The following SEC24A variants were observed in gnomAD, a reference collection of about 807,000 sequenced individuals.
SEC24A encodes the protein SEC24 homolog A, COPII component.
Under a neutral mutation model 129.4 loss-of-function variants are expected in SEC24A, and 93 were observed. The ratio of observed to expected loss-of-function variants is 0.72; its 90% CI spans 0.61 to 0.85. The LOEUF is 0.85. Among genes scored for constraint, SEC24A ranks in the 40% least tolerant of loss-of-function variants. The pLI is 0.00. For synonymous variants in SEC24A, 460 were observed against 467.3 expected (o/e 0.98, Z 0.20); for missense variants, 1,264 against 1,307.4 (o/e 0.97, Z 0.51).
intron 1 of SEC24A, 54 bp from the exon 2 acceptor site, chr5:134,661,065 T>A: frequency 1.7e-6 from 2 of 1,203,276 alleles, no homozygotes; most frequent in Non-Finnish European, 2.4e-6. Context: ...CTTTATTTCT[T>A]AAAGTATTGC....
At chr5:134,677,538 T>C (rs980377599) in intron 7 of SEC24A, among the ~76,000 whole-genome samples, 1 of 148,432 alleles carries the variant, frequency 6.7e-6, no homozygotes, top group African/African-American at 2.5e-5. Context: ...GATCCTTATC[T>C]TAAAAAAAAA....
intron 8 of SEC24A, among the ~76,000 whole-genome samples, chr5:134,680,750 T>C (rs1561814225): frequency 6.6e-6 from 1 of 151,908 alleles, no homozygotes; most frequent in Non-Finnish European, 1.5e-5. Flanking sequence ...GTTCAAGCAA[T>C]TCTCCTGCCT....
chr5:134,716,463 T>A (rs1167614418), intron 19 of SEC24A, among the ~76,000 whole-genome samples: 1 of 144,462 alleles, frequency 6.9e-6, no homozygotes, highest in Non-Finnish European at 1.5e-5. Context: ...AGTGAGACTT[T>A]GTCTAAAAAA....
At chr5:134,666,085 AGAT>A (rs1424584252) in intron 2 of SEC24A, among the ~76,000 whole-genome samples, 3 of 152,064 alleles carry the variant, frequency 2.0e-5, no homozygotes. Context: ...CCGGAATTCA[AGAT>A]CAGCCTGGGC....
chr5:134,682,484 T>G lies in SEC24A; in HGVS notation c.1491+2T>G. On this transcript the variant is annotated splice_donor_variant, in intron 9 of 22. Transcript: ENST00000398844. LOFTEE classifies it high-confidence loss of function. ...TTTATGGCTCCTTCAGAATACATGGTAAACTTTTATTTTTTGATACAGTAT... is the reference window on the plus strand; with the variant it reads ...TTTATGGCTCCTTCAGAATACATGGGAAACTTTTATTTTTTGATACAGTAT... 1 of 1,505,136 alleles carries G rather than the reference T, an allele frequency of 6.6e-7. No homozygotes were observed. Among genetic ancestry groups the G allele is most frequent in the Non-Finnish European group, 9.2e-7 (1 of 1,083,882 alleles). 93.2% of individuals were successfully genotyped at this position (1,505,136 alleles called of 1,614,324 possible).
At position 134,661,373 on chromosome 5, in the gene SEC24A, A is replaced by C. The variant is rs745680774; in HGVS notation, c.352A>C (p.Thr118Pro). 126 of 1,614,040 alleles carry C rather than the reference A, an allele frequency of 7.8e-5. No homozygotes were observed. Among genetic ancestry groups the C allele is most frequent in the Non-Finnish European group, 9.7e-5 (115 of 1,180,042 alleles). The change falls in exon 2 of 23, where the codon ACT becomes CCT. Residue 118 changes from threonine (T) to proline (P), a missense_variant. Thr to Pro is a conservative substitution (Grantham distance 38). Coordinates refer to ENST00000398844, the MANE Select transcript of SEC24A (RefSeq NM_021982.3). ...ATTACCTGCTTCTCAGAACCCAGCT[A>C]CTACACCAATGCCTTCTAGTAGCTT... ...MPLPASQNPA[T>P]TPMPSSSFLP...
At chr5:134,677,879 T>C (rs1751123138) in intron 7 of SEC24A, among the ~76,000 whole-genome samples, 1 of 151,646 alleles carries the variant, frequency 6.6e-6, no homozygotes, top group African/African-American at 2.4e-5. Flanking sequence ...AAAGATGAGA[T>C]GCTATGTCAC....
At chr5:134,709,013 CT>C in intron 18 of SEC24A, 125 bp downstream of exon 18, 1 of 873,382 alleles carries the variant, frequency 1.1e-6, no homozygotes, top group South Asian at 1.7e-5. Context: ...TGAGACCAGC[CT>C]GGGCAATATG....
intron 2 of SEC24A, among the ~76,000 whole-genome samples, chr5:134,664,640 C>A (rs998783801): frequency 2.0e-5 from 3 of 151,970 alleles, no homozygotes; most frequent in Non-Finnish European, 4.4e-5. Flanking sequence ...CCCCTTTGTT[C>A]CTTTGACTTG....
intron 21 of SEC24A, among the ~76,000 whole-genome samples, chr5:134,722,440 C>G (rs1240318168): frequency 1.3e-5 from 2 of 152,056 alleles, no homozygotes; most frequent in Non-Finnish European, 2.9e-5. Context: ...TGGCGCACAC[C>G]TGTAATCCCA....
At chr5:134,706,755 G>A (rs1458401514) in intron 17 of SEC24A, among the ~76,000 whole-genome samples, 1 of 152,038 alleles carries the variant, frequency 6.6e-6, no homozygotes, top group Non-Finnish European at 1.5e-5. Context: ...CAGTGGCACA[G>A]TCTCAGCTCA....
chr5:134,699,629 C>T (rs1191476267), intron 15 of SEC24A, among the ~76,000 whole-genome samples: 1 of 151,256 alleles, frequency 6.6e-6, no homozygotes, highest in African/African-American at 2.4e-5. Flanking sequence ...TGTACAGTGG[C>T]ATCAAGTATG....
intron 7 of SEC24A, among the ~76,000 whole-genome samples, chr5:134,678,827 G>C (rs573062263): frequency 2.0e-4 from 30 of 152,150 alleles, no homozygotes; most frequent in African/African-American, 6.7e-4. Flanking sequence ...CGTTCCACCC[G>C]CCTTGGCCTC....
rs1361321889 is a variant in SEC24A, at chr5:134,703,786, A to G, written c.2294A>G (p.Asn765Ser). ...CTTTCCATTCATACTTTCCATGGAA[A>G]CTTCTTTGTTAGGTCAACCGACTTA... ...KGLSIHTFHG[N>S]FFVRSTDLLS... The change falls in exon 16 of 23, where the codon AAC becomes AGC. Residue 765 changes from asparagine to serine, a missense_variant. By Grantham distance (46) the Asn-to-Ser change is conservative (BLOSUM62 1). Transcript: ENST00000398844. 1.2e-6 allele frequency: 2 copies of G among 1,612,976 alleles called. No homozygotes were observed. The highest frequency in any genetic ancestry group is 1.3e-5 in the African/African-American group (1 of 74,870).
At chr5:134,708,617 G>A in intron 17 of SEC24A, 96 bp from the exon 18 acceptor site, 1 of 1,070,300 alleles carries the variant, frequency 9.3e-7, no homozygotes, top group East Asian at 2.5e-5. Flanking sequence ...AGAGATACTT[G>A]GTATAGTTTT....
At chr5:134,673,871 A>G (rs1319972705) in intron 4 of SEC24A, among the ~76,000 whole-genome samples, 3 of 152,142 alleles carry the variant, frequency 2.0e-5, no homozygotes, top group Non-Finnish European at 4.4e-5. Context: ...ACGGTGGCTC[A>G]TGGCCTGTAA....
At chr5:134,680,592 C>T (rs899658396) in intron 8 of SEC24A, among the ~76,000 whole-genome samples, 1 of 152,070 alleles carries the variant, frequency 6.6e-6, no homozygotes, top group Non-Finnish European at 1.5e-5. Context: ...CTCAGGCTCC[C>T]AAAGTGCTGG....
At chr5:134,698,927 A>G (rs1425079281) in intron 15 of SEC24A, among the ~76,000 whole-genome samples, 1 of 151,186 alleles carries the variant, frequency 6.6e-6, no homozygotes, top group East Asian at 1.9e-4. Context: ...GTGACCGCAC[A>G]CAGCCTAGAC....
intron 13 of SEC24A, among the ~76,000 whole-genome samples, chr5:134,694,342 A>G (rs1330544467): frequency 6.6e-6 from 1 of 152,110 alleles, no homozygotes; most frequent in Non-Finnish European, 1.5e-5. Context: ...CCTGACCAAC[A>G]TGGAGAAACC....
Sources: gnomAD v4.1 joint callset for allele counts (sites outside exome capture counted in the v4.1 genomes callset) on GRCh38, gnomAD v4.1.1 for gene constraint, MANE v1.5 for transcripts, NCBI Gene and HGNC (gene_info 2026-07-23, HGNC 2026-07-21) for gene names.